Variants in TTLL5 observed in about 807,000 individuals in gnomAD.
TTLL5 encodes tubulin polyglutamylase TTLL5.
Under a neutral mutation model 168.4 loss-of-function variants are expected in TTLL5, and 132 were observed. The ratio of observed to expected loss-of-function variants is 0.78; its 90% CI spans 0.68 to 0.91. The LOEUF (loss-of-function observed/expected upper bound fraction) is 0.91. Among genes scored for constraint, TTLL5 ranks in the 40% least tolerant of loss-of-function variants. The pLI, the probability that TTLL5 is intolerant of heterozygous loss-of-function variation, is 0.00. For synonymous variants in TTLL5, 546 were observed against 558.6 expected (o/e 0.98, Z 0.32); for missense variants, 1,545 against 1,581.5 (o/e 0.98, Z 0.39).
chr14:75,675,194 G>A (rs996056240), intron 3 of TTLL5, among the ~76,000 whole-genome samples: 10 of 151,980 alleles, frequency 6.6e-5, no homozygotes, highest in African/African-American at 2.4e-4. Flanking sequence ...ACACACATTC[G>A]ACAGCACAAA....
chr14:75,935,291 T>C (rs1032260534), intron 31 of TTLL5, among the ~76,000 whole-genome samples: 1 of 152,218 alleles, frequency 6.6e-6, no homozygotes, highest in African/African-American at 2.4e-5. Context: ...GTGATGCTAA[T>C]ATGAGGGGAG....
At chr14:75,943,905 G>C (rs1451450409) in intron 31 of TTLL5, among the ~76,000 whole-genome samples, 1 of 152,124 alleles carries the variant, frequency 6.6e-6, no homozygotes, top group Non-Finnish European at 1.5e-5. Flanking sequence ...AATAATTAAA[G>C]TTTAAAAATC....
intron 22 of TTLL5, among the ~76,000 whole-genome samples, chr14:75,775,922 G>A (rs1043280854): frequency 2.4e-4 from 37 of 152,286 alleles, no homozygotes; most frequent in African/African-American, 8.4e-4. Flanking sequence ...GAGTCTGCAC[G>A]GTTGTTAGTG....
At chr14:75,762,905 G>A (rs752908815) in intron 18 of TTLL5, among the ~76,000 whole-genome samples, 15 of 152,234 alleles carry the variant, frequency 9.9e-5, no homozygotes, top group South Asian at 6.2e-4. Flanking sequence ...ACAGTGGTTC[G>A]TGAACGTAAA....
chr14:75,691,280 G>T (rs979897198), intron 6 of TTLL5, among the ~76,000 whole-genome samples: 1 of 152,192 alleles, frequency 6.6e-6, no homozygotes, highest in African/African-American at 2.4e-5. Flanking sequence ...CCCAGGCCAG[G>T]CAGAGGCGCT....
intron 12 of TTLL5, among the ~76,000 whole-genome samples, chr14:75,727,404 A>T (rs1226632651): frequency 6.6e-6 from 1 of 152,234 alleles, no homozygotes; most frequent in East Asian, 1.9e-4. Flanking sequence ...AACATAGATA[A>T]ATCTCAAAAG....
At chr14:75,881,927 A>C (rs1004876613) in intron 29 of TTLL5, among the ~76,000 whole-genome samples, 2 of 152,190 alleles carry the variant, frequency 1.3e-5, no homozygotes, top group African/African-American at 4.8e-5. Flanking sequence ...ATATATGTTG[A>C]CATTTGTGAT....
chr14:75,855,553 A>G (rs1460782093), intron 28 of TTLL5, among the ~76,000 whole-genome samples: 1 of 152,178 alleles, frequency 6.6e-6, no homozygotes, highest in African/African-American at 2.4e-5. Context: ...GGTGAACTGG[A>G]AGATGGAGTT....
chr14:75,709,958 T>C lies in TTLL5; in HGVS notation c.740+2251T>C, dbSNP rs1381934674. On this transcript the variant is annotated intron_variant, in intron 9 of 31. Coordinates refer to ENST00000298832, the MANE Select transcript of TTLL5 (RefSeq NM_015072.5). The stretch of plus-strand genomic sequence containing the variant: ...AAGGTTCTGAGGATTTTCAGCTTTA[T>C]AATTTGAGACTTCTGAGCTTTCTCT... 2.7e-5 allele frequency: 4 copies of C among 149,674 alleles called. No homozygotes were observed. In the East Asian group the frequency reaches 7.7e-4, roughly 29 times the overall value. 9.3% of individuals were successfully genotyped at this position (149,674 alleles called of 1,614,324 possible).
intron 3 of TTLL5, among the ~76,000 whole-genome samples, chr14:75,681,001 C>A (rs1218669008): frequency 6.6e-6 from 1 of 151,944 alleles, no homozygotes; most frequent in East Asian, 1.9e-4. Context: ...GGCCTCTTCG[C>A]AGAAGAGTGT....
At chr14:75,829,133 T>C (rs1368673273) in intron 28 of TTLL5, among the ~76,000 whole-genome samples, 2 of 152,190 alleles carry the variant, frequency 1.3e-5, no homozygotes, top group Non-Finnish European at 2.9e-5. Context: ...AATTTATCAC[T>C]CTGGCTGGAG....
chr14:75,674,536 T>A (rs1883993728), intron 3 of TTLL5, among the ~76,000 whole-genome samples: 1 of 152,244 alleles, frequency 6.6e-6, no homozygotes, highest in Admixed American at 6.5e-5. Flanking sequence ...ACAATATGAT[T>A]TCTCGTGTTT....
rs544246817 is a variant in TTLL5 at position 75,805,545 on chromosome 14, C to CATCCA, written c.3171+12445_3171+12446insATCCA. Reference sequence around the variant, plus strand: ...CTTTTCCTGTGATTTCATCCTGGTACTTCTCTATGGATTTCTCCCAAGTAT... The same window carrying CATCCA: ...CTTTTCCTGTGATTTCATCCTGGTACATCCATTCTCTATGGATTTCTCCCAAGTAT... On this transcript the variant is annotated intron_variant, in intron 27 of 31. Transcript: ENST00000298832. 3.3e-3 allele frequency among the ~76,000 whole-genome samples: 503 copies of CATCCA among 152,292 alleles called. 3 individuals are homozygous for CATCCA. The highest frequency in any genetic ancestry group is 0.011 in the African/African-American group (470 of 41,556).
chr14:75,916,876 A>G (rs6574257), intron 31 of TTLL5, among the ~76,000 whole-genome samples: 112,759 of 152,138 alleles, frequency 0.74, 42,021 homozygotes, highest in Admixed American at 0.81. Flanking sequence ...AAATTCTGCA[A>G]TAAGCTACAG....
intron 3 of TTLL5, among the ~76,000 whole-genome samples, chr14:75,676,895 T>C (rs945042773): frequency 1.1e-4 from 17 of 151,824 alleles, no homozygotes; most frequent in African/African-American, 4.1e-4. Context: ...TGCCTCAGCC[T>C]CCTGAGTAGC....
At chr14:75,719,640 C>A in intron 10 of TTLL5, 95 bp from the exon 11 acceptor site, 43 of 1,096,162 alleles carry the variant, frequency 3.9e-5, no homozygotes, top group South Asian at 2.5e-4. Flanking sequence ...AAAAAAAAAA[C>A]TTTTTAAAAA....
intron 27 of TTLL5, among the ~76,000 whole-genome samples, chr14:75,800,354 G>A (rs1450601487): frequency 3.3e-5 from 5 of 152,014 alleles, no homozygotes; most frequent in Non-Finnish European, 5.9e-5. Context: ...TTTCCCTGGA[G>A]ATTTTTTGGT....
intron 28 of TTLL5, among the ~76,000 whole-genome samples, chr14:75,850,992 G>A (rs1896818002): frequency 6.6e-6 from 1 of 151,652 alleles, no homozygotes; most frequent in African/African-American, 2.4e-5. Context: ...TACTCAGGAG[G>A]CGGAGGTGGC....
At chr14:75,799,000 T>G (rs750813752) in intron 27 of TTLL5, among the ~76,000 whole-genome samples, 9 of 152,294 alleles carry the variant, frequency 5.9e-5, no homozygotes, top group Admixed American at 6.5e-5. Context: ...GGGTATGGTT[T>G]ATGTCTGTTG....
Sources: gnomAD v4.1 joint callset for allele counts (sites outside exome capture counted in the v4.1 genomes callset) on GRCh38, gnomAD v4.1.1 for gene constraint, MANE v1.5 for transcripts, NCBI Gene and HGNC (gene_info 2026-07-23, HGNC 2026-07-21) for gene names.